The following ZNF705B variants were observed in gnomAD, a reference collection of about 807,000 sequenced individuals.
ZNF705B encodes zinc finger protein 705B, also known as Putative zinc finger protein 705D-like protein LOC100132396.
ZNF705B carries 1 observed loss-of-function variant against 10.5 expected under a neutral mutation model. The ratio of observed to expected loss-of-function variants is 0.10; its 90% CI spans 0.03 to 0.45. The LOEUF (loss-of-function observed/expected upper bound fraction) is 0.45. Ranked by LOEUF, ZNF705B falls within the 20% of genes least tolerant of loss-of-function variation. The pLI is 0.97. For synonymous variants in ZNF705B, 4 were observed against 25.4 expected, an observed-to-expected ratio of 0.16 and a Z score of 2.53; for missense variants, 14 against 84.0, an observed-to-expected ratio of 0.17 and a Z score of 3.26.
At chr8:7,937,474 G>A (rs1820047550) in intron 2 of ZNF705B, among the ~76,000 whole-genome samples, 1 of 108,550 alleles carries the variant, frequency 9.2e-6, no homozygotes, top group African/African-American at 2.7e-5. Context: ...TTGAGTAACA[G>A]TGAAAACAAA....
chr8:7,927,677 G>C (rs1444554854), intron 1 of ZNF705B, among the ~76,000 whole-genome samples: 1 of 137,488 alleles, frequency 7.3e-6, no homozygotes, highest in Non-Finnish European at 1.6e-5. Flanking sequence ...TTGAAAGGTT[G>C]AATTATTTGC....
chr8:7,936,282 A>G (rs1820013088), intron 2 of ZNF705B, among the ~76,000 whole-genome samples: 1 of 120,246 alleles, frequency 8.3e-6, no homozygotes, highest in Non-Finnish European at 2.0e-5. Flanking sequence ...CTATTTTACT[A>G]TACCTGATTC....
At chr8:7,932,487 G>A (rs571016531) in intron 2 of ZNF705B, among the ~76,000 whole-genome samples, 1 of 121,436 alleles carries the variant, frequency 8.2e-6, no homozygotes, top group African/African-American at 2.5e-5. Context: ...CTATGTGATG[G>A]CTTTAATATA....
chr8:7,940,921 T>C (rs1045598334), intron 2 of ZNF705B, among the ~76,000 whole-genome samples: 3 of 148,450 alleles, frequency 2.0e-5, no homozygotes, highest in African/African-American at 7.4e-5. Context: ...CTCCCACTTG[T>C]AAGTTAGAAC....
rs1336085597 is a variant in ZNF705B at position 7,927,058 on chromosome 8, A to C, written c.-222+661A>C. Among the ~76,000 whole-genome samples, 2 of 119,672 alleles carry C rather than the reference A, an allele frequency of 1.7e-5. 1 individual carries two copies. Among genetic ancestry groups the C allele is most frequent in the Non-Finnish European group, 4.0e-5 (2 of 49,966 alleles). 78.5% of individuals were successfully genotyped at this position (119,672 alleles called of 152,430 possible). On this transcript the variant is annotated intron_variant, in intron 1 of 6. Coordinates refer to ENST00000400120, the MANE Select transcript of ZNF705B (RefSeq NM_001193630.1). ...GACTCGTGGTACGTGATAGGTGTTCAAGAATGTTCATTCTTACTGGAGTGA... is the reference window on the plus strand; with the variant it reads ...GACTCGTGGTACGTGATAGGTGTTCCAGAATGTTCATTCTTACTGGAGTGA...
rs1247346541 is a variant in ZNF705B, at chr8:7,931,080, C to T, written c.-72+644C>T. Among the ~76,000 whole-genome samples, 8 of 119,560 alleles carry T rather than the reference C, an allele frequency of 6.7e-5. 1 individual carries two copies. Among genetic ancestry groups the T allele is most frequent in the Non-Finnish European group, 1.0e-4 (5 of 50,008 alleles). 78.4% of individuals were successfully genotyped at this position (119,560 alleles called of 152,430 possible). ...GTTGGTCAGGCTGGTCTTGAACTCC[C>T]GACCTCGGGTGATCTGCCCCCCTCA... On this transcript the variant is annotated intron_variant, in intron 2 of 6. Coordinates refer to ENST00000400120, the MANE Select transcript of ZNF705B (RefSeq NM_001193630.1).
chr8:7,940,325 C>T (rs1820113974), intron 2 of ZNF705B, among the ~76,000 whole-genome samples: 1 of 148,286 alleles, frequency 6.7e-6, no homozygotes, highest in African/African-American at 2.5e-5. Flanking sequence ...GTGTACATCT[C>T]AGTGAGCTTG....
chr8:7,927,694 T>A (rs1170223288), intron 1 of ZNF705B, among the ~76,000 whole-genome samples: 1 of 142,208 alleles, frequency 7.0e-6, no homozygotes, highest in South Asian at 2.4e-4. Flanking sequence ...TTGCACAAGA[T>A]CACTCAGTTG....
intron 2 of ZNF705B, among the ~76,000 whole-genome samples, chr8:7,935,509 C>CT (rs1554594877): frequency 0.37 from 33,334 of 90,082 alleles, 3,027 homozygotes; most frequent in Middle Eastern, 0.52. Flanking sequence ...AAAACCAGCA[C>CT]TTTTTTTTTT....
chr8:7,929,414 T>G (rs2128941217), intron 1 of ZNF705B, among the ~76,000 whole-genome samples: 1 of 121,590 alleles, frequency 8.2e-6, no homozygotes, highest in Non-Finnish European at 2.0e-5. Flanking sequence ...ATGAAATGAA[T>G]GAGGATAAAT....
chr8:7,928,749 CAA>C (rs548498381), intron 1 of ZNF705B, among the ~76,000 whole-genome samples: 1 of 52,324 alleles, frequency 1.9e-5, no homozygotes, highest in Admixed American at 3.3e-4. Context: ...AACCAGGTAG[CAA>C]AAAAAAAAAA....
At chr8:7,934,721 T>TGTG (rs1211087723) in intron 2 of ZNF705B, 73 of 108,794 alleles carry the variant, frequency 6.7e-4, no homozygotes, top group South Asian at 2.7e-3. Flanking sequence ...TGTGTGTGTG[T>TGTG]TATTTGATTT....
intron 1 of ZNF705B, among the ~76,000 whole-genome samples, chr8:7,928,534 T>C (rs150734514): frequency 0.011 from 1,340 of 118,298 alleles, 88 homozygotes; most frequent in African/African-American, 0.032. Context: ...GTAGAAACAA[T>C]ATAAAGCAAC....
In ZNF705B at chr8:7,936,757, T is replaced by C. The variant is rs1383396420; in HGVS notation, c.-72+6321T>C. 9.2e-5 allele frequency among the ~76,000 whole-genome samples: 11 copies of C among 120,054 alleles called. 1 individual carries two copies. The highest frequency in any genetic ancestry group is 5.7e-4 in the Admixed American group (6 of 10,452). The allele number at this position is 120,054 out of a possible 152,430, so 78.8% of individuals were successfully genotyped here. A position where few individuals can be genotyped will look rare whatever the true frequency, so the allele number is the denominator to read the frequency against. Reference sequence around the variant, plus strand: ...GAGGGAGTAAAGTCTGAAAAGCTACTCTTTGGGTACACCCTACCTGTGTGA... The same window carrying C: ...GAGGGAGTAAAGTCTGAAAAGCTACCCTTTGGGTACACCCTACCTGTGTGA... On this transcript the variant is annotated intron_variant, in intron 2 of 6. Transcript: ENST00000400120.
intron 2 of ZNF705B, among the ~76,000 whole-genome samples, chr8:7,936,217 G>A (rs1428595130): frequency 2.5e-5 from 3 of 119,540 alleles, no homozygotes; most frequent in African/African-American, 7.7e-5. Flanking sequence ...CTTGCAATAT[G>A]TTTGTGCGGA....
At chr8:7,929,405 T>A (rs1218659783) in intron 1 of ZNF705B, among the ~76,000 whole-genome samples, 12 of 121,540 alleles carry the variant, frequency 9.9e-5, no homozygotes, top group African/African-American at 3.0e-4. Context: ...TGCAGAGACA[T>A]GAAATGAATG....
chr8:7,941,378 C>T (rs1016712369), intron 2 of ZNF705B, among the ~76,000 whole-genome samples: 1 of 117,494 alleles, frequency 8.5e-6, no homozygotes, highest in African/African-American at 2.7e-5. Context: ...TTTTGAGAAA[C>T]CTTCATACTG....
In ZNF705B at chr8:7,935,296, C is replaced by T. The variant is rs77193404; in HGVS notation, c.-72+4860C>T. On this transcript the variant is annotated intron_variant, in intron 2 of 6. Coordinates refer to ENST00000400120, the MANE Select transcript of ZNF705B (RefSeq NM_001193630.1). Reference sequence around the variant, plus strand: ...TTGCATATATTAAGAGTGAAACATTCAAGGTCTTCTTAAAGGCTCAAAAAC... The same window carrying T: ...TTGCATATATTAAGAGTGAAACATTTAAGGTCTTCTTAAAGGCTCAAAAAC... Among the ~76,000 whole-genome samples, 307 of 144,226 alleles carry T rather than the reference C, an allele frequency of 2.1e-3. 5 individuals carry two copies. The highest frequency in any genetic ancestry group is 5.7e-3 in the Admixed American group (81 of 14,306). 94.6% of individuals were successfully genotyped at this position (144,226 alleles called of 152,430 possible). A position where few individuals can be genotyped will look rare whatever the true frequency, so the allele number is the denominator to read the frequency against.
At chr8:7,935,221 T>C (rs1203244238) in intron 2 of ZNF705B, among the ~76,000 whole-genome samples, 1 of 103,980 alleles carries the variant, frequency 9.6e-6, no homozygotes, top group Non-Finnish European at 2.3e-5. Flanking sequence ...CACTCACTAC[T>C]CATATCTCTG....
Sources: allele counts gnomAD v4.1 joint callset (sites outside exome capture counted in the v4.1 genomes callset), GRCh38; gene constraint gnomAD v4.1.1; transcripts MANE v1.5; gene names NCBI Gene and HGNC (gene_info 2026-07-23, HGNC 2026-07-21).